Variants in KIAA1217 observed in about 807,000 individuals in gnomAD.
The protein encoded by KIAA1217 is sickle tail protein homolog.
A neutral mutation model predicts 163.9 loss-of-function variants in KIAA1217; 88 were observed. That is an observed-to-expected ratio of 0.54 (90% CI 0.45 to 0.64). The LOEUF (loss-of-function observed/expected upper bound fraction) is 0.64. Among genes scored for constraint, KIAA1217 ranks in the 30% least tolerant of loss-of-function variants. The pLI, the probability that KIAA1217 is intolerant of heterozygous loss-of-function variation, is 0.00. For missense variants in KIAA1217, 2,372 were observed against 2,475.0 expected (o/e 0.96, Z 0.88); for synonymous variants, 903 against 923.1 (o/e 0.98, Z 0.39).
chr10:23,735,239 A>G (rs1838729523), intron 1 of KIAA1217, among the ~76,000 whole-genome samples: 3 of 151,824 alleles, frequency 2.0e-5, no homozygotes, highest in African/African-American at 7.3e-5. Flanking sequence ...TTATTTATTT[A>G]TTTATTTATT....
intron 1 of KIAA1217, among the ~76,000 whole-genome samples, chr10:24,218,030 T>C (rs1437316867): frequency 6.6e-6 from 1 of 152,154 alleles, no homozygotes; most frequent in Non-Finnish European, 1.5e-5. Context: ...GGGAATTCAG[T>C]GGACAAGGAA....
intron 2 of KIAA1217, among the ~76,000 whole-genome samples, chr10:24,093,299 T>A (rs2062013338): frequency 1.3e-5 from 2 of 151,790 alleles, no homozygotes; most frequent in East Asian, 1.9e-4. Flanking sequence ...GCCTCCCTAG[T>A]AGCTGGGATT....
chr10:24,048,743 A>ATAT (rs201266406), intron 2 of KIAA1217, among the ~76,000 whole-genome samples: 1 of 146,926 alleles, frequency 6.8e-6, no homozygotes, highest in Non-Finnish European at 1.5e-5. Context: ...AAAAAAAAAA[A>ATAT]ATATATTGGC....
chr10:24,094,032 T>C (rs2062046749), intron 2 of KIAA1217, among the ~76,000 whole-genome samples: 1 of 151,998 alleles, frequency 6.6e-6, no homozygotes, highest in African/African-American at 2.4e-5. Flanking sequence ...TGCCACATTT[T>C]CTTAATCCAG....
At chr10:24,412,715 C>G (rs2057902573) in intron 3 of KIAA1217, among the ~76,000 whole-genome samples, 1 of 152,176 alleles carries the variant, frequency 6.6e-6, no homozygotes, top group Admixed American at 6.5e-5. Context: ...CTGCCCTAGA[C>G]CTCATTGCTT....
At chr10:24,157,951 G>A (rs1156371693) in intron 2 of KIAA1217, 1 of 720,742 alleles carries the variant, frequency 1.4e-6, no homozygotes, top group Non-Finnish European at 2.5e-6. Flanking sequence ...TTTGAATGTG[G>A]AATTTGCCAG....
upstream of KIAA1217, among the ~76,000 whole-genome samples, chr10:24,204,630 G>C (rs547669498): frequency 1.3e-5 from 2 of 151,856 alleles, no homozygotes; most frequent in African/African-American, 2.4e-5. Flanking sequence ...GGTTTGCCAG[G>C]GACAGTCGTG....
intron 2 of KIAA1217, among the ~76,000 whole-genome samples, chr10:24,131,668 G>A (rs1362128318): frequency 6.6e-6 from 1 of 152,036 alleles, no homozygotes; most frequent in Non-Finnish European, 1.5e-5. Flanking sequence ...ATAAAAAGAA[G>A]GAAATAATTG....
intron 2 of KIAA1217, among the ~76,000 whole-genome samples, chr10:24,118,336 A>G (rs961645632): frequency 1.3e-5 from 2 of 152,114 alleles, no homozygotes; most frequent in African/African-American, 4.8e-5. Context: ...TTGCAGGATG[A>G]CAGAGTTCTC....
intron 1 of KIAA1217, among the ~76,000 whole-genome samples, chr10:23,879,983 A>G (rs1840879503): frequency 6.6e-6 from 1 of 151,904 alleles, no homozygotes; most frequent in Admixed American, 6.6e-5. Context: ...ACTTCTAGGT[A>G]GGCAAATGCT....
rs375124508 is a variant in KIAA1217 at position 23,916,744 on chromosome 10, C to T, written c.-320-90481C>T. Reference sequence around the variant, plus strand: ...ATCTCAGCACTTAGGGAGGCTGAGGCGGGCAGATCACGAGGTCAGAAGATC... The same window carrying T: ...ATCTCAGCACTTAGGGAGGCTGAGGTGGGCAGATCACGAGGTCAGAAGATC... On this transcript the variant is annotated intron_variant, in intron 1 of 18. Coordinates refer to the KIAA1217 transcript ENST00000376462. 3.7e-4 allele frequency among the ~76,000 whole-genome samples: 57 copies of T among 152,120 alleles called. No homozygotes were observed. The East Asian group carries it at 5.4e-3, about 14-fold the overall frequency.
chr10:24,449,661 T>C (rs1000525159), intron 5 of KIAA1217: 1 of 985,316 alleles, frequency 1.0e-6, no homozygotes, highest in African/African-American at 1.7e-5. Context: ...TTAGTCACCA[T>C]GAAGACAGGC....
intron 2 of KIAA1217, among the ~76,000 whole-genome samples, chr10:24,041,601 G>C (rs1217657486): frequency 1.3e-5 from 2 of 151,862 alleles, no homozygotes; most frequent in Non-Finnish European, 2.9e-5. Flanking sequence ...TCAGTTAGTC[G>C]GTACCCTATG....
At chr10:24,260,521 A>C (rs548729118) in intron 2 of KIAA1217, among the ~76,000 whole-genome samples, 24 of 150,644 alleles carry the variant, frequency 1.6e-4, no homozygotes, top group African/African-American at 5.9e-4. Flanking sequence ...AGGCTGAGTC[A>C]GAAGGATCAA....
At chr10:23,718,969 ACC>A (rs1258055779) in intron 1 of KIAA1217, among the ~76,000 whole-genome samples, 1 of 152,070 alleles carries the variant, frequency 6.6e-6, no homozygotes, top group East Asian at 1.9e-4. Context: ...TGCACAATAA[ACC>A]TGTGTTTGTG....
At chr10:24,255,172 A>G in intron 2 of KIAA1217, 1 of 169,328 alleles carries the variant, frequency 5.9e-6, no homozygotes. Context: ...TTCTTTAAAG[A>G]CTGCCACTGG....
At chr10:24,303,665 G>A (rs1458878518) in intron 2 of KIAA1217, among the ~76,000 whole-genome samples, 1 of 152,210 alleles carries the variant, frequency 6.6e-6, no homozygotes, top group Non-Finnish European at 1.5e-5. Context: ...ACAAACTCAA[G>A]TTGGGTTTTG....
At chr10:24,129,035 T>TG (rs1199863734) in intron 2 of KIAA1217, among the ~76,000 whole-genome samples, 1 of 152,146 alleles carries the variant, frequency 6.6e-6, no homozygotes, top group Non-Finnish European at 1.5e-5. Context: ...TTGTATAGGG[T>TG]AGTAATCCTT....
intron 2 of KIAA1217, among the ~76,000 whole-genome samples, chr10:24,054,587 T>G (rs1352198407): frequency 1.3e-5 from 2 of 152,208 alleles, no homozygotes; most frequent in African/African-American, 4.8e-5. Flanking sequence ...AGAAACAAAT[T>G]CATGCCTGCC....
Sources: gnomAD v4.1 joint callset for allele counts (sites outside exome capture counted in the v4.1 genomes callset) on GRCh38, gnomAD v4.1.1 for gene constraint, MANE v1.5 for transcripts, NCBI Gene and HGNC (gene_info 2026-07-23, HGNC 2026-07-21) for gene names.